NUBPL: variants seen among roughly 807,000 people sequenced by gnomAD.
NUBPL encodes the protein NUBP iron-sulfur cluster assembly factor, mitochondrial.
A neutral mutation model predicts 45.7 loss-of-function variants in NUBPL; 31 were observed. That is an observed-to-expected ratio of 0.68 (90% CI 0.51 to 0.92). The LOEUF is 0.92. Ranked by LOEUF, NUBPL falls within the 40% of genes least tolerant of loss-of-function variation. The probability of loss-of-function intolerance (pLI) is 0.00; values close to 1 mark genes in which losing one functional copy is unlikely to be tolerated. For synonymous variants in NUBPL, 144 were observed against 140.9 expected (o/e 1.02, Z -0.15); for missense variants, 401 against 398.7 (o/e 1.01, Z -0.05).
intron 8 of NUBPL, among the ~76,000 whole-genome samples, chr14:31,835,561 T>C (rs1402767800): frequency 6.6e-6 from 1 of 152,200 alleles, no homozygotes; most frequent in East Asian, 1.9e-4. Context: ...ATGTTTTTGA[T>C]ATAGTGGTAG....
chr14:31,614,200 T>G (rs1490411038), intron 4 of NUBPL, among the ~76,000 whole-genome samples: 1 of 152,148 alleles, frequency 6.6e-6, no homozygotes, highest in African/African-American at 2.4e-5. Context: ...GTAAGCAAGT[T>G]TTTTTGTTTC....
intron 3 of NUBPL, among the ~76,000 whole-genome samples, chr14:31,577,262 G>T (rs1181189106): frequency 6.6e-6 from 1 of 152,198 alleles, no homozygotes; most frequent in Admixed American, 6.5e-5. Context: ...ACCTAGCTAA[G>T]AATTTTATCA....
intron 4 of NUBPL, among the ~76,000 whole-genome samples, chr14:31,637,990 G>A (rs139073238): frequency 0.015 from 2,278 of 152,214 alleles, 24 homozygotes; most frequent in Non-Finnish European, 0.024. Context: ...GTCTCTGCAC[G>A]TGAGATGGAT....
intron 6 of NUBPL, among the ~76,000 whole-genome samples, chr14:31,731,528 C>T (rs2038047992): frequency 6.6e-6 from 1 of 152,160 alleles, no homozygotes; most frequent in Non-Finnish European, 1.5e-5. Flanking sequence ...TCCATTTAAC[C>T]ATTTAATGAA....
In NUBPL at chr14:31,679,336, C is replaced by T. The variant is rs148840237; in HGVS notation, c.513+5762C>T. On this transcript the variant is annotated intron_variant, in intron 6 of 10. Coordinates refer to ENST00000281081, the MANE Select transcript of NUBPL (RefSeq NM_025152.3). ...AAATTTGGTGTTCCTGCGTTGGGGG[C>T]GGGGGGCAATTTTTTTGCAGCCTTC... 7.2e-5 allele frequency among the ~76,000 whole-genome samples: 11 copies of T among 151,862 alleles called. No individual in the cohort carries two copies. In the East Asian group the frequency reaches 9.7e-4, roughly 13 times the overall value.
intron 4 of NUBPL, among the ~76,000 whole-genome samples, chr14:31,634,261 C>T (rs1212498627): frequency 2.6e-5 from 3 of 116,942 alleles, no homozygotes; most frequent in Non-Finnish European, 3.4e-5. Context: ...ACAACAGTCC[C>T]GAGAGTGTGA....
chr14:31,598,530 A>G (rs573749290), intron 3 of NUBPL, among the ~76,000 whole-genome samples: 45 of 152,348 alleles, frequency 3.0e-4, no homozygotes, highest in African/African-American at 1.1e-3. Context: ...AAGAAAAAAA[A>G]GAGACATATT....
chr14:31,587,670 C>T (rs767683716), intron 3 of NUBPL, among the ~76,000 whole-genome samples: 10 of 152,136 alleles, frequency 6.6e-5, no homozygotes, highest in Non-Finnish European at 1.3e-4. Context: ...TGTCTGTACT[C>T]TATTATCTAT....
chr14:31,831,584 G>A (rs2378945), intron 8 of NUBPL, among the ~76,000 whole-genome samples: 52,155 of 151,648 alleles, frequency 0.34, 9,905 homozygotes, highest in South Asian at 0.44. Context: ...GTAGTTTCTC[G>A]CTAAATATAT....
intron 8 of NUBPL, among the ~76,000 whole-genome samples, chr14:31,841,993 C>T (rs2040383023): frequency 8.0e-6 from 1 of 124,428 alleles, no homozygotes; most frequent in Non-Finnish European, 1.6e-5. Context: ...TACAGTGGCA[C>T]AATCTCAGCT....
At chr14:31,636,823 G>T (rs994286611) in intron 4 of NUBPL, among the ~76,000 whole-genome samples, 30 of 152,162 alleles carry the variant, frequency 2.0e-4, no homozygotes, top group Non-Finnish European at 4.1e-4. Context: ...TCTTGGGAGA[G>T]TGTATGTGTC....
chr14:31,562,453 A>G (rs903965044), intron 2 of NUBPL, among the ~76,000 whole-genome samples: 5 of 152,122 alleles, frequency 3.3e-5, no homozygotes, highest in Admixed American at 2.0e-4. Context: ...TTGTACAGCA[A>G]ATCTTCAGTT....
chr14:31,604,143 G>A (rs1197152937), intron 4 of NUBPL, among the ~76,000 whole-genome samples: 2 of 148,918 alleles, frequency 1.3e-5, no homozygotes, highest in African/African-American at 4.9e-5. Flanking sequence ...ATAGGCTTTC[G>A]GGTAAAGACG....
chr14:31,760,692 G>T (rs1004297338), intron 6 of NUBPL, among the ~76,000 whole-genome samples: 2 of 151,910 alleles, frequency 1.3e-5, no homozygotes, highest in Non-Finnish European at 2.9e-5. Flanking sequence ...TTGTGTATAT[G>T]TACCACATTT....
chr14:31,854,016 A>T (rs770489320), intron 10 of NUBPL, among the ~76,000 whole-genome samples: 18 of 152,222 alleles, frequency 1.2e-4, no homozygotes, highest in Non-Finnish European at 2.5e-4. Flanking sequence ...CTACAGAAAG[A>T]TGTGCTATAA....
At chr14:31,605,671 A>G (rs1262045807) in intron 4 of NUBPL, among the ~76,000 whole-genome samples, 1 of 152,124 alleles carries the variant, frequency 6.6e-6, no homozygotes, top group Admixed American at 6.5e-5. Flanking sequence ...TCTCTGATAA[A>G]AACTACAAAG....
intron 3 of NUBPL, among the ~76,000 whole-genome samples, chr14:31,566,591 C>T (rs771957223): frequency 2.6e-5 from 4 of 151,956 alleles, no homozygotes; most frequent in Non-Finnish European, 5.9e-5. Context: ...GTAGGCAGAA[C>T]AGTGGCCTGC....
intron 6 of NUBPL, among the ~76,000 whole-genome samples, chr14:31,755,758 C>T (rs1360645332): frequency 2.6e-5 from 4 of 151,854 alleles, no homozygotes; most frequent in Non-Finnish European, 5.9e-5. Flanking sequence ...GTGTTTTAGA[C>T]ATGAAGTCCT....
chr14:31,600,852 G>C (rs999328058), intron 4 of NUBPL, among the ~76,000 whole-genome samples: 5 of 151,452 alleles, frequency 3.3e-5, no homozygotes, highest in Admixed American at 6.6e-5. Flanking sequence ...GAATGGTAAT[G>C]CCTAGGTTTT....
Sources: gnomAD v4.1 joint callset for allele counts (sites outside exome capture counted in the v4.1 genomes callset) on GRCh38, gnomAD v4.1.1 for gene constraint, MANE v1.5 for transcripts, NCBI Gene and HGNC (gene_info 2026-07-23, HGNC 2026-07-21) for gene names.